Variants in STXBP4 observed in about 807,000 individuals in gnomAD.
STXBP4 encodes the protein syntaxin binding protein 4.
A neutral mutation model predicts 76.1 loss-of-function variants in STXBP4; 55 were observed. The observed-to-expected ratio is 0.72, with a 90% confidence interval of 0.58 to 0.91. The LOEUF is 0.91. STXBP4 is among the 40% of genes least tolerant of loss of function. The pLI, the probability that STXBP4 is intolerant of heterozygous loss-of-function variation, is 0.00. For missense variants in STXBP4, 618 were observed against 636.9 expected (o/e 0.97, Z 0.32); for synonymous variants, 201 against 220.2 (o/e 0.91, Z 0.77).
chr17:55,147,903 AGTG>A lies in STXBP4; in HGVS notation c.1547+6540_1547+6542del, dbSNP rs372760548. On this transcript the variant is annotated intron_variant, in intron 17 of 17. Coordinates refer to ENST00000376352, the MANE Select transcript of STXBP4 (RefSeq NM_178509.6). ...TGTCTGCCATGGGTTTAGAGGGAGA[AGTG>A]GTGTGTAGGACACATGCCACATCTT... 1.5e-3 allele frequency among the ~76,000 whole-genome samples: 222 copies of A among 152,318 alleles called. 7 individuals carry two copies. The South Asian group carries it at 0.045, about 31-fold the overall frequency.
Position 55,000,839 on chromosome 17 carries a change from T to A in STXBP4, c.530T>A (p.Ile177Asn), listed in dbSNP as rs575003070. ...ACTGGATACAACAAAACAGTACAGA[T>A]TCCAATTACTTCAGAAAACAGTACT... ...IKTGYNKTVQ[I>N]PITSENSTVG... The change falls in exon 7 of 18, where the codon ATT becomes AAT. Residue 177 changes from isoleucine (I) to asparagine (N), a missense_variant. Physicochemically the swap from Ile to Asn is moderately radical, Grantham distance 149. Coordinates refer to ENST00000376352, the MANE Select transcript of STXBP4 (RefSeq NM_178509.6). 9.9e-6 allele frequency: 16 copies of A among 1,610,780 alleles called. 1 individual carries two copies. The highest frequency in any genetic ancestry group is 1.7e-4 in the Middle Eastern group (1 of 6,036).
At chr17:55,180,321 G>A in the STXBP4 span, among the ~76,000 whole-genome samples, 1 of 152,166 alleles carries the variant, frequency 6.6e-6, no homozygotes, top group South Asian at 2.1e-4. Context: ...ACTGAAAGAT[G>A]CCATTTGTTC....
intron 16 of STXBP4, among the ~76,000 whole-genome samples, chr17:55,089,922 A>C (rs890967997): frequency 2.6e-5 from 4 of 152,120 alleles, no homozygotes; most frequent in African/African-American, 9.7e-5. Context: ...ATAGGGCAAA[A>C]ATCTTCAAAA....
At chr17:55,210,216 A>G in the STXBP4 span, among the ~76,000 whole-genome samples, 2 of 152,304 alleles carry the variant, frequency 1.3e-5, no homozygotes, top group South Asian at 2.1e-4. Flanking sequence ...CATATTATAA[A>G]TCTAAATTTT....
At chr17:55,136,636 G>A (rs913298322) in intron 16 of STXBP4, among the ~76,000 whole-genome samples, 1 of 152,040 alleles carries the variant, frequency 6.6e-6, no homozygotes, top group Non-Finnish European at 1.5e-5. Context: ...GCATAGTATA[G>A]TATTTACACT....
intron 8 of STXBP4, among the ~76,000 whole-genome samples, chr17:55,017,883 C>G (rs1477951265): frequency 6.6e-6 from 1 of 152,132 alleles, no homozygotes. Context: ...TTTTAACTGG[C>G]CGACAGGTGC....
At chr17:55,013,485 T>A (rs1046439711) in intron 8 of STXBP4, among the ~76,000 whole-genome samples, 22 of 152,330 alleles carry the variant, frequency 1.4e-4, no homozygotes, top group Admixed American at 1.2e-3. Context: ...CTCTCTTAGT[T>A]GCTTTAGGGT....
the STXBP4 span, among the ~76,000 whole-genome samples, chr17:55,182,900 A>T: frequency 5.9e-5 from 9 of 152,292 alleles, no homozygotes; most frequent in South Asian, 1.9e-3. Flanking sequence ...AGACAACAAA[A>T]GTCAAGAGAA....
chr17:55,026,790 C>T (rs960970191), intron 8 of STXBP4, among the ~76,000 whole-genome samples: 1 of 152,164 alleles, frequency 6.6e-6, no homozygotes, highest in Admixed American at 6.5e-5. Flanking sequence ...AAGCTCCCAA[C>T]TGAAATTCAC....
At chr17:54,999,522 A>G in intron 5 of STXBP4, 71 bp downstream of exon 5, 3 of 1,462,666 alleles carry the variant, frequency 2.1e-6, no homozygotes, top group Non-Finnish European at 2.8e-6. Context: ...TTTAAGATGT[A>G]TTAAGTACTT....
At chr17:54,989,695 C>T (rs1703429132) in intron 3 of STXBP4, among the ~76,000 whole-genome samples, 1 of 152,188 alleles carries the variant, frequency 6.6e-6, no homozygotes, top group African/African-American at 2.4e-5. Flanking sequence ...AGCCCTAAAT[C>T]TTATTTCAAA....
chr17:54,985,749 A>G (rs2077616882), intron 2 of STXBP4, 58 bp downstream of exon 2: 1 of 152,956 alleles, frequency 6.5e-6, no homozygotes, highest in Non-Finnish European at 1.5e-5. Flanking sequence ...TTTTCTGACT[A>G]TAAGCTTCGT....
intron 15 of STXBP4, among the ~76,000 whole-genome samples, chr17:55,079,528 CAG>C (rs959176776): frequency 2.0e-5 from 3 of 147,896 alleles, no homozygotes; most frequent in Non-Finnish European, 4.4e-5. Flanking sequence ...GAGGCTGAGG[CAG>C]GGGGATCACT....
chr17:55,073,770 A>G lies in STXBP4; in HGVS notation c.1188+694A>G, dbSNP rs560761237. ...CAGCCTCCCAAGTAGCTGCGGTTAC[A>G]GACACCTGCCACCACACCCAGCTAA... is the stretch of plus-strand genomic sequence containing the variant. On this transcript the variant is annotated intron_variant, in intron 13 of 17. Coordinates refer to ENST00000376352, the MANE Select transcript of STXBP4 (RefSeq NM_178509.6). Among the ~76,000 whole-genome samples, 51 of 152,230 alleles carry G rather than the reference A, an allele frequency of 3.4e-4. No individual in the cohort carries two copies. The South Asian group carries it at 9.5e-3, about 28-fold the overall frequency.
At chr17:55,148,569 C>T (rs776717830) in intron 17 of STXBP4, among the ~76,000 whole-genome samples, 23 of 150,766 alleles carry the variant, frequency 1.5e-4, no homozygotes, top group South Asian at 6.3e-4. Context: ...GACGAAGTCT[C>T]GCTCTGTCAC....
chr17:55,106,201 C>G (rs2079632445), intron 16 of STXBP4, among the ~76,000 whole-genome samples: 1 of 151,866 alleles, frequency 6.6e-6, no homozygotes, highest in Non-Finnish European at 1.5e-5. Flanking sequence ...ATCCCTTTAC[C>G]ATTATATAAT....
intron 4 of STXBP4, 45 bp downstream of exon 4, chr17:54,991,002 C>T: frequency 1.4e-6 from 2 of 1,469,534 alleles, no homozygotes; most frequent in Non-Finnish European, 9.0e-7. Context: ...ACAAAAAGAC[C>T]CACCAGTGGT....
At position 55,043,332 on chromosome 17, in the gene STXBP4, T is replaced by C; in HGVS notation, c.945+7T>C. 1 of 1,421,614 alleles carries C rather than the reference T, an allele frequency of 7.0e-7. No homozygotes were observed. Among genetic ancestry groups the C allele is most frequent in the Non-Finnish European group, 9.4e-7 (1 of 1,062,722 alleles). The allele number at this position is 1,421,614 out of a possible 1,614,324, so 88.1% of individuals were successfully genotyped here. On this transcript the variant is annotated splice_region_variant and intron_variant, in intron 11 of 17. Coordinates refer to ENST00000376352, the MANE Select transcript of STXBP4 (RefSeq NM_178509.6). ...AGAAGTAAATACACTTAAGGTAACC[T>C]CTAATTTAGTTTCCTTATGTTTTCT...
the STXBP4 span, among the ~76,000 whole-genome samples, chr17:55,196,563 ATCTTC>A: frequency 2.6e-4 from 39 of 152,086 alleles, no homozygotes; most frequent in Non-Finnish European, 4.3e-4. Flanking sequence ...TTCTTCTGTG[ATCTTC>A]TCTTGTGTCC....
Sources: gnomAD v4.1 joint callset for allele counts (sites outside exome capture counted in the v4.1 genomes callset) on GRCh38, gnomAD v4.1.1 for gene constraint, MANE v1.5 for transcripts, NCBI Gene and HGNC (gene_info 2026-07-23, HGNC 2026-07-21) for gene names.